Variants in RAPGEF2 observed in about 807,000 individuals in gnomAD.
The protein encoded by RAPGEF2 is PDZ domain containing guanine nucleotide exchange factor (GEF) 1.
In RAPGEF2, 54 loss-of-function variants were observed where a neutral mutation model predicts 186.7. The ratio of observed to expected loss-of-function variants is 0.29; its 90% CI spans 0.23 to 0.36. The LOEUF (loss-of-function observed/expected upper bound fraction) is 0.36. Ranked by LOEUF, RAPGEF2 falls within the 10% of genes least tolerant of loss-of-function variation. The pLI is 1.00. For synonymous variants in RAPGEF2, 712 were observed against 705.9 expected, an observed-to-expected ratio of 1.01 and a Z score of -0.14; for missense variants, 1,532 against 2,045.0, an observed-to-expected ratio of 0.75 and a Z score of 4.84.
chr4:159,273,656 TTC>T (rs1249711571), intron 7 of RAPGEF2, among the ~76,000 whole-genome samples: 1 of 147,054 alleles, frequency 6.8e-6, no homozygotes, highest in South Asian at 2.2e-4. Context: ...CTTTCTTTCT[TTC>T]TTTCTTTCTT....
chr4:159,173,285 C>G (rs1746111347), intron 1 of RAPGEF2, among the ~76,000 whole-genome samples: 1 of 152,138 alleles, frequency 6.6e-6, no homozygotes, highest in African/African-American at 2.4e-5. Context: ...CAATAAAGAA[C>G]TGGTGTCCTC....
Position 159,196,943 on chromosome 4 carries a change from T to C in RAPGEF2, c.197+3687T>C, listed in dbSNP as rs529041453. On this transcript the variant is annotated intron_variant, in intron 3 of 29. Coordinates refer to ENST00000691494, the MANE Select transcript of RAPGEF2 (RefSeq NM_001394067.2). The stretch of plus-strand genomic sequence containing the variant: ...GAGTTGCCCATTTGGAATCAAATTG[T>C]GTTGGTTTGCATTAGAAAGTTAGAG... Among the ~76,000 whole-genome samples the C allele has an allele frequency of 2.6e-5, 4 of 152,346 alleles. No homozygotes were observed. In the East Asian group the frequency reaches 7.7e-4, roughly 29 times the overall value.
intron 4 of RAPGEF2, among the ~76,000 whole-genome samples, chr4:159,223,810 A>G (rs995800029): frequency 1.3e-5 from 2 of 152,168 alleles, no homozygotes; most frequent in African/African-American, 4.8e-5. Flanking sequence ...TCTTATCTTG[A>G]ATTTTAACTT....
intron 3 of RAPGEF2, among the ~76,000 whole-genome samples, chr4:159,197,432 C>CAA (rs1295987228): frequency 6.6e-6 from 1 of 152,092 alleles, no homozygotes. Context: ...TGTCCACACA[C>CAA]ACACACGCCC....
At chr4:159,299,590 G>C (rs1762413121) in intron 7 of RAPGEF2, among the ~76,000 whole-genome samples, 1 of 151,960 alleles carries the variant, frequency 6.6e-6, no homozygotes, top group Admixed American at 6.6e-5. Context: ...ACCCTTGTTT[G>C]TACTGCACTG....
At chr4:159,288,619 G>C (rs1760798491) in intron 7 of RAPGEF2, among the ~76,000 whole-genome samples, 1 of 151,930 alleles carries the variant, frequency 6.6e-6, no homozygotes, top group East Asian at 1.9e-4. Flanking sequence ...ACTTCTCATT[G>C]CACTTACAGA....
chr4:159,149,847 TC>T, intron 1 of RAPGEF2, among the ~76,000 whole-genome samples: 1 of 152,294 alleles, frequency 6.6e-6, no homozygotes, highest in Admixed American at 6.5e-5. Flanking sequence ...AATCAGAAGT[TC>T]TTAGGAGACA....
intron 7 of RAPGEF2, among the ~76,000 whole-genome samples, chr4:159,260,733 A>T (rs559523637): frequency 6.6e-6 from 1 of 152,294 alleles, no homozygotes; most frequent in East Asian, 1.9e-4. Flanking sequence ...GTTATTATTT[A>T]TTAGAGGAAA....
intron 4 of RAPGEF2, chr4:159,229,413 T>C (rs1360115113): frequency 1.3e-5 from 2 of 152,202 alleles, no homozygotes; most frequent in African/African-American, 4.8e-5. Flanking sequence ...CAGAAAGTGC[T>C]CTTGACCCAA....
intron 2 of RAPGEF2, among the ~76,000 whole-genome samples, chr4:159,192,564 T>A (rs1052939140): frequency 1.3e-5 from 2 of 152,278 alleles, no homozygotes; most frequent in Non-Finnish European, 2.9e-5. Flanking sequence ...AGGATGCTTC[T>A]TGAAGATGCT....
At chr4:159,205,503 T>A (rs1749872994) in intron 3 of RAPGEF2, among the ~76,000 whole-genome samples, 1 of 152,184 alleles carries the variant, frequency 6.6e-6, no homozygotes, top group African/African-American at 2.4e-5. Flanking sequence ...CTTAGCCTAA[T>A]GATATGGTTA....
At chr4:159,276,385 A>G (rs564992671) in intron 7 of RAPGEF2, among the ~76,000 whole-genome samples, 1 of 152,346 alleles carries the variant, frequency 6.6e-6, no homozygotes, top group South Asian at 2.1e-4. Flanking sequence ...GTTGAAATTA[A>G]TATCATTTGT....
rs144417324 is a variant in RAPGEF2, at chr4:159,273,308, C to G, written c.543+29517C>G. Among the ~76,000 whole-genome samples the G allele has an allele frequency of 1.7e-4, 26 of 152,260 alleles. No homozygotes were observed. The East Asian group carries it at 4.2e-3, about 25-fold the overall frequency. On this transcript the variant is annotated intron_variant, in intron 7 of 29. Coordinates refer to ENST00000691494, the MANE Select transcript of RAPGEF2 (RefSeq NM_001394067.2). ...GAAACCCTGGCAACAAATAATAGAT[C>G]TTTTTACCCCCATTAGAAGTGAAGA...
At chr4:159,348,542 C>T (rs1172801574) in intron 25 of RAPGEF2, among the ~76,000 whole-genome samples, 3 of 151,994 alleles carry the variant, frequency 2.0e-5, no homozygotes, top group African/African-American at 7.3e-5. Context: ...TGTGTTGATC[C>T]TCTCATCACA....
intron 11 of RAPGEF2, among the ~76,000 whole-genome samples, chr4:159,326,029 C>T (rs1028979609): frequency 1.3e-5 from 2 of 152,108 alleles, no homozygotes; most frequent in Non-Finnish European, 2.9e-5. Context: ...ATCTTCCTTT[C>T]TGCTACACTC....
Position 159,314,693 on chromosome 4 carries a change from G to C in RAPGEF2, c.778G>C (p.Asp260His). 1 of 1,614,070 alleles carries C rather than the reference G, an allele frequency of 6.2e-7. No homozygotes were observed. Among genetic ancestry groups the C allele is most frequent in the South Asian group, 1.1e-5 (1 of 91,080 alleles). Residue 260 changes from aspartate to histidine, a missense_variant, in exon 9 of 30, where the codon GAT becomes CAT. By Grantham distance (81) the Asp-to-His change is moderately conservative. Coordinates refer to ENST00000691494, the MANE Select transcript of RAPGEF2 (RefSeq NM_001394067.2). ...TGAAGAAGACATTGAGAGAGCATCA[G>C]ATCCTCTGATGAGCAGGGACATTGT... Reference protein sequence around the residue: ...DDEEDIERASDPLMSRDIVRD... With the variant: ...DDEEDIERASHPLMSRDIVRD...
intron 7 of RAPGEF2, among the ~76,000 whole-genome samples, chr4:159,300,858 A>T (rs1762575671): frequency 6.6e-6 from 1 of 152,118 alleles, no homozygotes; most frequent in Non-Finnish European, 1.5e-5. Flanking sequence ...CTTGGGTTTA[A>T]ATGTGGGCAT....
At position 159,322,432 on chromosome 4, in the gene RAPGEF2, G is replaced by A. The variant is rs1404795181; in HGVS notation, c.939G>A (p.Val313=). 1 of 1,613,982 alleles carries A rather than the reference G, an allele frequency of 6.2e-7. No individual in the cohort carries two copies. Among genetic ancestry groups the A allele is most frequent in the Non-Finnish European group, 8.5e-7 (1 of 1,179,886 alleles). The change falls in exon 10 of 30, where the codon GTG becomes GTA. Residue 313 remains valine, a synonymous_variant. Transcript: ENST00000691494. ...GGCGAGAACTCTGTGCTGTGATGGT[G>A]TTCGCAGTGGTGGAAAGAGCAGGGA... The part of the protein sequence containing the change: ...SVRRELCAVM[V]FAVVERAGTI...
rs1407579898 is a variant in RAPGEF2, at chr4:159,331,722, T to G, written c.1668T>G (p.Ala556=). 5.0e-6 allele frequency: 8 copies of G among 1,613,988 alleles called. No homozygotes were observed. Among genetic ancestry groups the G allele is most frequent in the Non-Finnish European group, 6.8e-6 (8 of 1,180,008 alleles). ...LMTLTKPSRE[A]PLPFILLGGS... ...CGTTAACAAAACCATCCCGAGAAGCTCCTTTGCCTTTTATCTTACTTGGAG... is the reference window on the plus strand; with the variant it reads ...CGTTAACAAAACCATCCCGAGAAGCGCCTTTGCCTTTTATCTTACTTGGAG... The change falls in exon 15 of 30, where the codon GCT becomes GCG. Residue 556 remains alanine, a synonymous_variant. Transcript: ENST00000691494.
Sources: gnomAD v4.1 joint callset for allele counts (sites outside exome capture counted in the v4.1 genomes callset) on GRCh38, gnomAD v4.1.1 for gene constraint, MANE v1.5 for transcripts, NCBI Gene and HGNC (gene_info 2026-07-23, HGNC 2026-07-21) for gene names.